UEVLD: variants seen among roughly 807,000 people sequenced by gnomAD.
UEVLD encodes the protein UEV and lactate/malate dehyrogenase domains, also known as ubiquitin-conjugating enzyme E2 variant 3.
A neutral mutation model predicts 58.6 loss-of-function variants in UEVLD; 47 were observed. The observed-to-expected ratio is 0.80, with a 90% CI of 0.63 to 1.02. The LOEUF (loss-of-function observed/expected upper bound fraction) is 1.02. Ranked by LOEUF, UEVLD falls within the 50% of genes least tolerant of loss-of-function variation. The probability of loss-of-function intolerance (pLI) is 0.00; values close to 1 mark genes in which losing one functional copy is unlikely to be tolerated. For synonymous variants in UEVLD, 197 were observed against 195.3 expected (o/e 1.01, Z -0.07); for missense variants, 510 against 550.6 (o/e 0.93, Z 0.74).
At chr11:18,554,132 C>T (rs769472277) in intron 7 of UEVLD, among the ~76,000 whole-genome samples, 3 of 152,100 alleles carry the variant, frequency 2.0e-5, no homozygotes, top group Non-Finnish European at 4.4e-5. Context: ...TCTTGTTGCC[C>T]CCAGGATGGA....
chr11:18,537,268 A>C (rs933900052), intron 9 of UEVLD, among the ~76,000 whole-genome samples: 9 of 150,942 alleles, frequency 6.0e-5, no homozygotes, highest in Non-Finnish European at 1.3e-4. Flanking sequence ...TTACAAAAAC[A>C]ATTCAAAACT....
chr11:18,572,510 T>G (rs1363774341), intron 3 of UEVLD, among the ~76,000 whole-genome samples: 1 of 151,698 alleles, frequency 6.6e-6, no homozygotes, highest in Non-Finnish European at 1.5e-5. Context: ...AAGAGAGTAA[T>G]AAAGGCAGAC....
intron 6 of UEVLD, chr11:18,564,032 T>C (rs780861719): frequency 3.4e-6 from 1 of 293,058 alleles, no homozygotes; most frequent in Non-Finnish European, 6.8e-6. Flanking sequence ...AAAGAGGTGA[T>C]AGTGTATTCA....
chr11:18,579,480 G>C, intron 1 of UEVLD: 1 of 985,354 alleles, frequency 1.0e-6, no homozygotes, highest in Non-Finnish European at 1.2e-6. Context: ...TCACCACTAT[G>C]CAGGATCCAA....
chr11:18,549,435 G>C (rs1294264568), intron 7 of UEVLD, among the ~76,000 whole-genome samples: 1 of 151,578 alleles, frequency 6.6e-6, no homozygotes, highest in Non-Finnish European at 1.5e-5. Context: ...TTTTTGTTTT[G>C]AGACAGGGTC....
chr11:18,559,019 C>A (rs1851883947), intron 6 of UEVLD, among the ~76,000 whole-genome samples: 1 of 151,478 alleles, frequency 6.6e-6, no homozygotes, highest in Non-Finnish European at 1.5e-5. Context: ...GGATTACAGG[C>A]ATGCACCACC....
intron 8 of UEVLD, 79 bp from the exon 9 acceptor site, chr11:18,544,875 T>A: frequency 1.8e-6 from 2 of 1,117,576 alleles, no homozygotes; most frequent in Non-Finnish European, 2.4e-6. Flanking sequence ...TATTTATTAT[T>A]TTAATAAGTA....
intron 2 of UEVLD, among the ~76,000 whole-genome samples, chr11:18,576,223 C>T (rs921566995): frequency 1.1e-4 from 16 of 152,172 alleles, no homozygotes; most frequent in African/African-American, 3.9e-4. Context: ...ACTAGACTGC[C>T]TTTGTAAGAC....
At position 18,561,203 on chromosome 11, in the gene UEVLD, G is replaced by A. The variant is rs143623479; in HGVS notation, c.613-2873C>T. 4.9e-3 allele frequency among the ~76,000 whole-genome samples: 743 copies of A among 152,278 alleles called. 6 individuals are homozygous for A. The highest frequency in any genetic ancestry group is 0.017 in the African/African-American group (717 of 41,570). ...TCTCGCTTCATCATTTATTAACAGT[G>A]TAATTTGGGGCAACTTGGGTAACCG... On this transcript the variant is annotated intron_variant, in intron 6 of 11. Transcript: ENST00000396197.
At position 18,559,062 on chromosome 11, in the gene UEVLD, C is replaced by T. The variant is rs147136225; in HGVS notation, c.613-732G>A. Among the ~76,000 whole-genome samples the T allele has an allele frequency of 6.1e-4, 93 of 151,776 alleles. No homozygotes were observed. The East Asian group carries it at 0.015, about 25-fold the overall frequency. Reference sequence around the variant, plus strand: ...CCTAATTTTGTATTTTTAGTAGAGACGGGGTATCACCATGTTGGCCAGGCT... The same window carrying T: ...CCTAATTTTGTATTTTTAGTAGAGATGGGGTATCACCATGTTGGCCAGGCT... On this transcript the variant is annotated intron_variant, in intron 6 of 11. Coordinates refer to ENST00000396197, the MANE Select transcript of UEVLD (RefSeq NM_001040697.4).
chr11:18,542,744 C>G (rs1415228928), intron 9 of UEVLD, among the ~76,000 whole-genome samples: 1 of 151,898 alleles, frequency 6.6e-6, no homozygotes, highest in Non-Finnish European at 1.5e-5. Context: ...ACTTTAAATT[C>G]CAAGGAAATA....
rs765137389 is a variant in UEVLD at position 18,588,639 on chromosome 11, C to T, written c.16G>A (p.Glu6Lys). 6.2e-7 allele frequency: 1 copy of T among 1,610,070 alleles called. No homozygotes were observed. MEFDCEGLRRLLGKYK... is the reference protein window; with the variant it reads MEFDCKGLRRLLGKYK... ...TTGCCAAGCAGCCGTCTCAGGCCCT[C>T]GCAGTCGAACTCCATCTCCAGGCCG... Residue 6 changes from glutamate to lysine, a missense_variant, in exon 1 of 12, where the codon GAG becomes AAG. Glu to Lys is a moderately conservative substitution (Grantham distance 56). Coordinates refer to ENST00000396197, the MANE Select transcript of UEVLD (RefSeq NM_001040697.4).
chr11:18,551,604 G>A (rs1032412734), intron 7 of UEVLD, among the ~76,000 whole-genome samples: 1 of 152,030 alleles, frequency 6.6e-6, no homozygotes, highest in African/African-American at 2.4e-5. Flanking sequence ...TAGTAAGGAG[G>A]GCTTCAGAAT....
intron 9 of UEVLD, among the ~76,000 whole-genome samples, chr11:18,543,240 T>A (rs1448946212): frequency 6.6e-6 from 1 of 152,198 alleles, no homozygotes; most frequent in East Asian, 1.9e-4. Flanking sequence ...ACTTACATGC[T>A]GAGTGAAGTT....
At chr11:18,554,932 T>C (rs1489943090) in intron 7 of UEVLD, among the ~76,000 whole-genome samples, 1 of 152,230 alleles carries the variant, frequency 6.6e-6, no homozygotes, top group Non-Finnish European at 1.5e-5. Context: ...CCCCGAATTA[T>C]TGATGTACTT....
At position 18,575,391 on chromosome 11, in the gene UEVLD, TTC is replaced by T. The variant is rs773790940; in HGVS notation, c.147_148del (p.Lys50ArgfsTer16). The T allele has an allele frequency of 3.2e-5, 51 of 1,607,804 alleles. No individual in the cohort carries two copies. Among genetic ancestry groups the T allele is most frequent in the Non-Finnish European group, 4.2e-5 (49 of 1,178,616 alleles). ...TGTGCCAGTAAAATTCAGCAGGTCT[TTC>T]TGAGAACTATCTTTAAAAACTAGAA... On this transcript the variant is annotated frameshift_variant, in exon 3 of 12. Transcript: ENST00000396197. LOFTEE classifies it high-confidence loss of function.
chr11:18,583,686 A>G (rs1463404889), intron 1 of UEVLD, among the ~76,000 whole-genome samples: 2 of 133,082 alleles, frequency 1.5e-5, no homozygotes, highest in Non-Finnish European at 3.1e-5. Context: ...TTTGAGACAG[A>G]GTTTCACTCT....
At chr11:18,536,526 T>C in intron 9 of UEVLD, 57 bp from the exon 10 acceptor site, 1 of 1,414,424 alleles carries the variant, frequency 7.1e-7, no homozygotes, top group Non-Finnish European at 1.0e-6. Flanking sequence ...GATTAAGATG[T>C]GATAACAGAT....
At chr11:18,569,751 G>C (rs1852496678) in intron 4 of UEVLD, 1 of 153,308 alleles carries the variant, frequency 6.5e-6, no homozygotes, top group African/African-American at 2.4e-5. Context: ...CAGTTATATA[G>C]ATCAATGTGG....
Sources: gnomAD v4.1 joint callset for allele counts (sites outside exome capture counted in the v4.1 genomes callset) on GRCh38, gnomAD v4.1.1 for gene constraint, MANE v1.5 for transcripts, NCBI Gene and HGNC (gene_info 2026-07-23, HGNC 2026-07-21) for gene names.